Variants in RABGAP1L observed in about 807,000 individuals in gnomAD.
RABGAP1L encodes rab GTPase-activating protein 1-like.
A neutral mutation model predicts 137.7 loss-of-function variants in RABGAP1L; 63 were observed. That is an observed-to-expected ratio of 0.46 (90% confidence interval 0.37 to 0.56). The LOEUF is 0.56. Among genes scored for constraint, RABGAP1L ranks in the 20% least tolerant of loss-of-function variants. The pLI is 0.00. For missense variants in RABGAP1L, 1,095 were observed against 1,244.0 expected (o/e 0.88, Z 1.80); for synonymous variants, 431 against 433.7 (o/e 0.99, Z 0.08).
intron 13 of RABGAP1L, among the ~76,000 whole-genome samples, chr1:174,413,939 G>A (rs1393114658): frequency 1.9e-5 from 2 of 107,956 alleles, no homozygotes; most frequent in African/African-American, 1.3e-4. Context: ...TAGGACAGAG[G>A]CCATGAAGGC....
intron 19 of RABGAP1L, among the ~76,000 whole-genome samples, chr1:174,873,553 G>A (rs1208286517): frequency 7.0e-6 from 1 of 142,980 alleles, no homozygotes; most frequent in African/African-American, 2.6e-5. Context: ...TCCCTCTGTC[G>A]CCCAGGCTGG....
At position 174,982,712 on chromosome 1, in the gene RABGAP1L, A is replaced by G. The variant is rs895738348; in HGVS notation, c.2734-122A>G. On this transcript the variant is annotated intron_variant, in intron 23 of 25. Coordinates refer to ENST00000681986, the MANE Select transcript of RABGAP1L (RefSeq NM_001366446.1). ...ATGACTGGCATTTGCAGTGCTATTC[A>G]TTTGTAAAATTCCTTCTAGGATCAG... The G allele has an allele frequency of 4.1e-6, 4 of 982,410 alleles. No homozygotes were observed. In the African/African-American group the frequency reaches 4.9e-5, roughly 12 times the overall value. 60.9% of individuals were successfully genotyped at this position (982,410 alleles called of 1,614,324 possible).
intron 13 of RABGAP1L, among the ~76,000 whole-genome samples, chr1:174,584,763 G>A (rs1285678519): frequency 6.6e-6 from 1 of 151,930 alleles, no homozygotes; most frequent in Non-Finnish European, 1.5e-5. Context: ...TTGGAGGCAG[G>A]TTTTAAGAAC....
At chr1:174,922,437 C>A in intron 19 of RABGAP1L, 2 of 164,852 alleles carry the variant, frequency 1.2e-5, no homozygotes, top group South Asian at 3.1e-4. Flanking sequence ...CTTTATTTGT[C>A]ATCTTGGAAG....
At chr1:174,471,638 A>G (rs1046685065) in intron 13 of RABGAP1L, among the ~76,000 whole-genome samples, 4 of 152,132 alleles carry the variant, frequency 2.6e-5, no homozygotes, top group Admixed American at 6.5e-5. Flanking sequence ...TAGTTGTTCT[A>G]TATACTATAG....
intron 13 of RABGAP1L, among the ~76,000 whole-genome samples, chr1:174,419,751 T>C (rs903048675): frequency 2.6e-5 from 4 of 152,242 alleles, no homozygotes; most frequent in Non-Finnish European, 5.9e-5. Flanking sequence ...ATTTATGCTT[T>C]ATGTAACAAC....
chr1:174,497,124 TA>T (rs1344665277), intron 13 of RABGAP1L, among the ~76,000 whole-genome samples: 1 of 152,224 alleles, frequency 6.6e-6, no homozygotes, highest in Non-Finnish European at 1.5e-5. Context: ...CACAAGTTTC[TA>T]TATTTTTTCT....
chr1:174,899,787 T>A (rs968078821), intron 19 of RABGAP1L, among the ~76,000 whole-genome samples: 2 of 152,072 alleles, frequency 1.3e-5, no homozygotes, highest in African/African-American at 2.4e-5. Context: ...ATATAGAAAA[T>A]TTTTTAAGCA....
chr1:174,324,831 AATAAG>A (rs1331203361), intron 11 of RABGAP1L, among the ~76,000 whole-genome samples: 1 of 152,230 alleles, frequency 6.6e-6, no homozygotes, highest in Non-Finnish European at 1.5e-5. Flanking sequence ...AAGGAGGTTT[AATAAG>A]ATAAAGACCA....
chr1:174,634,947 T>G (rs1673826066), intron 13 of RABGAP1L, among the ~76,000 whole-genome samples: 1 of 146,798 alleles, frequency 6.8e-6, no homozygotes, highest in Non-Finnish European at 1.5e-5. Context: ...GACGAGTTAG[T>G]GGGTGCAGCG....
intron 17 of RABGAP1L, among the ~76,000 whole-genome samples, chr1:174,728,140 G>A (rs930984885): frequency 2.6e-5 from 4 of 151,982 alleles, no homozygotes; most frequent in African/African-American, 9.7e-5. Context: ...ATATTTAATT[G>A]GTATCCATTT....
At chr1:174,619,452 T>C (rs528329912) in intron 13 of RABGAP1L, among the ~76,000 whole-genome samples, 3 of 151,468 alleles carry the variant, frequency 2.0e-5, no homozygotes, top group East Asian at 2.0e-4. Flanking sequence ...CGGCAGAAAG[T>C]CTACAAGCCA....
chr1:174,484,184 T>G (rs1659411532), intron 13 of RABGAP1L, among the ~76,000 whole-genome samples: 1 of 152,220 alleles, frequency 6.6e-6, no homozygotes, highest in Non-Finnish European at 1.5e-5. Flanking sequence ...TATACCTGTG[T>G]GTCATTCGTA....
chr1:174,847,683 G>T (rs1272723066), intron 19 of RABGAP1L, among the ~76,000 whole-genome samples: 1 of 131,520 alleles, frequency 7.6e-6, no homozygotes, highest in Non-Finnish European at 1.6e-5. Flanking sequence ...TTTCAACTTT[G>T]GTGAATCTGA....
intron 13 of RABGAP1L, among the ~76,000 whole-genome samples, chr1:174,589,453 G>C (rs926495786): frequency 1.3e-5 from 2 of 152,002 alleles, no homozygotes; most frequent in African/African-American, 4.8e-5. Context: ...TTTTTAACTT[G>C]TTAACTTGAT....
rs187562340 is a variant in RABGAP1L, at chr1:174,573,346, G to A, written c.1711-64029G>A. Among the ~76,000 whole-genome samples, 168 of 151,528 alleles carry A rather than the reference G, an allele frequency of 1.1e-3. 1 individual carries two copies. The highest frequency in any genetic ancestry group is 4.0e-3 in the African/African-American group (165 of 41,322). The stretch of plus-strand genomic sequence containing the variant: ...TGTGTGTATATATATAACTTTTAAT[G>A]TTATTTTCCAGTGTCAAGAGACCAT... On this transcript the variant is annotated intron_variant, in intron 13 of 25. Coordinates refer to ENST00000681986, the MANE Select transcript of RABGAP1L (RefSeq NM_001366446.1).
At chr1:174,679,999 A>G (rs1298939965) in intron 14 of RABGAP1L, among the ~76,000 whole-genome samples, 2 of 152,250 alleles carry the variant, frequency 1.3e-5, no homozygotes, top group Non-Finnish European at 2.9e-5. Flanking sequence ...ATGGGAAAAA[A>G]TATTCATGAC....
At chr1:174,662,102 CTTTTTTTT>C (rs749496325) in intron 14 of RABGAP1L, among the ~76,000 whole-genome samples, 3 of 90,272 alleles carry the variant, frequency 3.3e-5, no homozygotes, top group African/African-American at 1.2e-4. Flanking sequence ...CTTTTCTTTT[CTTTTTTTT>C]TTTTTTTTTT....
rs1191743425 is a variant in RABGAP1L at position 174,663,156 on chromosome 1, C to G, written c.1825-20366C>G. 1.3e-5 allele frequency among the ~76,000 whole-genome samples: 2 copies of G among 152,158 alleles called. 1 individual carries two copies. The stretch of plus-strand genomic sequence containing the variant: ...GTTCCAGACCTTCACATTCACCCAC[C>G]TCTCACTCACTGACTCACCCAGAGC... On this transcript the variant is annotated intron_variant, in intron 14 of 25. Coordinates refer to ENST00000681986, the MANE Select transcript of RABGAP1L (RefSeq NM_001366446.1).
Sources: gnomAD v4.1 joint callset for allele counts (sites outside exome capture counted in the v4.1 genomes callset) on GRCh38, gnomAD v4.1.1 for gene constraint, MANE v1.5 for transcripts, NCBI Gene and HGNC (gene_info 2026-07-23, HGNC 2026-07-21) for gene names.